Variants in CWF19L2 observed in about 807,000 individuals in gnomAD.
CWF19L2 encodes the protein CWF19-like protein 2.
Under a neutral mutation model 111.7 loss-of-function variants are expected in CWF19L2, and 98 were observed. The observed-to-expected ratio is 0.88, with a 90% confidence interval of 0.75 to 1.04. The LOEUF is 1.04. Among genes scored for constraint, CWF19L2 ranks in the 50% least tolerant of loss-of-function variants. The pLI, the probability that CWF19L2 is intolerant of heterozygous loss-of-function variation, is 0.00. For synonymous variants in CWF19L2, 351 were observed against 342.9 expected, an observed-to-expected ratio of 1.02 and a Z score of -0.26; for missense variants, 1,101 against 1,051.4, an observed-to-expected ratio of 1.05 and a Z score of -0.65.
chr11:107,362,023 G>A lies in CWF19L2; in HGVS notation c.1873-8287C>T, dbSNP rs555244873. ...ATTGCCGCACTTGGGAAGCGCAAGG[G>A]GTCAGGGAGTTCCCTTTCTGAGTCA... On this transcript the variant is annotated intron_variant, in intron 12 of 17. Transcript: ENST00000282251. Among the ~76,000 whole-genome samples the A allele has an allele frequency of 5.9e-5, 9 of 152,304 alleles. No individual in the cohort carries two copies. In the South Asian group the frequency reaches 1.7e-3, roughly 28 times the overall value.
chr11:107,411,793 A>G (rs143071599), intron 10 of CWF19L2, among the ~76,000 whole-genome samples: 1 of 152,308 alleles, frequency 6.6e-6, no homozygotes, highest in East Asian at 1.9e-4. Flanking sequence ...TCTAGAATAT[A>G]TGATAATCAA....
chr11:107,335,759 C>T (rs967288828), intron 15 of CWF19L2, among the ~76,000 whole-genome samples: 5 of 152,164 alleles, frequency 3.3e-5, no homozygotes, highest in African/African-American at 1.2e-4. Flanking sequence ...CATGTTTTTA[C>T]AGTATTGTTA....
chr11:107,403,440 G>A, intron 10 of CWF19L2: 2 of 780,578 alleles, frequency 2.6e-6, no homozygotes, highest in South Asian at 1.3e-5. Context: ...TCTGTCGGTG[G>A]CTCTTCCACT....
intron 12 of CWF19L2, among the ~76,000 whole-genome samples, chr11:107,355,925 A>G (rs750731290): frequency 4.6e-5 from 7 of 152,202 alleles, no homozygotes; most frequent in Non-Finnish European, 8.8e-5. Context: ...AGCGCAAAAT[A>G]TACGTTCTTC....
intron 15 of CWF19L2, among the ~76,000 whole-genome samples, chr11:107,336,289 G>A (rs1208650646): frequency 6.6e-6 from 1 of 152,052 alleles, no homozygotes; most frequent in African/African-American, 2.4e-5. Flanking sequence ...TGGGACTACA[G>A]GTGCCCACCA....
chr11:107,369,956 T>G (rs1860484697), intron 12 of CWF19L2, among the ~76,000 whole-genome samples: 1 of 138,222 alleles, frequency 7.2e-6, no homozygotes, highest in Non-Finnish European at 1.6e-5. Context: ...TAGCCCAGGC[T>G]GGAGTGCAGT....
chr11:107,375,534 C>A (rs956426902), intron 12 of CWF19L2, among the ~76,000 whole-genome samples: 2 of 137,226 alleles, frequency 1.5e-5, no homozygotes, highest in Non-Finnish European at 3.2e-5. Flanking sequence ...GGGTACATAA[C>A]GAAATGAAGG....
chr11:107,417,515 G>A (rs1377930341), intron 9 of CWF19L2, among the ~76,000 whole-genome samples: 1 of 152,114 alleles, frequency 6.6e-6, no homozygotes, highest in Non-Finnish European at 1.5e-5. Context: ...AGGTTCCTAA[G>A]TAATTTGGAA....
At chr11:107,360,874 G>T (rs567112693) in intron 12 of CWF19L2, among the ~76,000 whole-genome samples, 5 of 152,234 alleles carry the variant, frequency 3.3e-5, no homozygotes, top group South Asian at 4.1e-4. Flanking sequence ...TATATTCTTG[G>T]ATATTAGACC....
intron 12 of CWF19L2, among the ~76,000 whole-genome samples, chr11:107,382,783 A>G (rs1291043630): frequency 6.6e-6 from 1 of 152,224 alleles, no homozygotes; most frequent in Non-Finnish European, 1.5e-5. Context: ...GCCTCAGGAA[A>G]CAGAGTCTCT....
intron 15 of CWF19L2, 130 bp from the exon 16 acceptor site, chr11:107,335,091 T>C: frequency 1.8e-6 from 1 of 547,564 alleles, no homozygotes; most frequent in South Asian, 2.9e-5. Flanking sequence ...TCTGAACTGA[T>C]TAAGGCTTTT....
chr11:107,403,388 C>A, intron 10 of CWF19L2: 1 of 731,510 alleles, frequency 1.4e-6, no homozygotes, highest in Admixed American at 1.8e-5. Context: ...ACACATAAAA[C>A]ATGGCAACAC....
chr11:107,402,872 T>TAC (rs1861023419), intron 10 of CWF19L2, among the ~76,000 whole-genome samples: 1 of 42,276 alleles, frequency 2.4e-5, no homozygotes, highest in Non-Finnish European at 4.8e-5. Flanking sequence ...AACTGTGGTG[T>TAC]GTATATATAT....
At chr11:107,402,849 G>A (rs1394296033) in intron 10 of CWF19L2, among the ~76,000 whole-genome samples, 3 of 122,756 alleles carry the variant, frequency 2.4e-5, no homozygotes, top group East Asian at 2.3e-4. Flanking sequence ...ATCAATCAAC[G>A]AGTGGATAAA....
intron 14 of CWF19L2, among the ~76,000 whole-genome samples, chr11:107,339,103 C>T (rs1859969381): frequency 6.6e-6 from 1 of 152,092 alleles, no homozygotes; most frequent in Non-Finnish European, 1.5e-5. Flanking sequence ...TAATAGTAGC[C>T]ATTAGGCTTT....
chr11:107,452,202 T>C (rs1861787615), intron 3 of CWF19L2, among the ~76,000 whole-genome samples: 1 of 152,164 alleles, frequency 6.6e-6, no homozygotes, highest in Non-Finnish European at 1.5e-5. Context: ...CTAAAAAAGC[T>C]ACTAACACTA....
rs974014641 is a variant in CWF19L2 at position 107,365,595 on chromosome 11, G to A, written c.1873-11859C>T. 6.9e-5 allele frequency among the ~76,000 whole-genome samples: 7 copies of A among 101,018 alleles called. No individual in the cohort carries two copies. In the Admixed American group the frequency reaches 7.0e-4, roughly 10 times the overall value. The allele number at this position is 101,018 out of a possible 152,430, so 66.3% of individuals were successfully genotyped here. ...AAACCACATGATTCTCTCAATAGAT[G>A]CAGAAAAAGCCTTTGACAAAATTCA... On this transcript the variant is annotated intron_variant, in intron 12 of 17. Coordinates refer to ENST00000282251, the MANE Select transcript of CWF19L2 (RefSeq NM_152434.3).
intron 10 of CWF19L2, among the ~76,000 whole-genome samples, chr11:107,414,552 C>T (rs1348370731): frequency 1.3e-5 from 2 of 152,156 alleles, no homozygotes; most frequent in Non-Finnish European, 2.9e-5. Context: ...CTTCTCCCTA[C>T]TCCCAACCAT....
rs1160476459 is a variant in CWF19L2, at chr11:107,371,678, A to C, written c.1873-17942T>G. ...TTCAATTCTTGATTCTGTGCACTAC[A>C]AATTAATCACATGTTCCAGGAAACC... is the stretch of plus-strand genomic sequence containing the variant. On this transcript the variant is annotated intron_variant, in intron 12 of 17. Transcript: ENST00000282251. Among the ~76,000 whole-genome samples the C allele has an allele frequency of 1.2e-4, 16 of 137,624 alleles. 2 individuals are homozygous for C. The highest frequency in any genetic ancestry group is 2.0e-4 in the Non-Finnish European group (13 of 64,320). The allele number at this position is 137,624 out of a possible 152,430, so 90.3% of individuals were successfully genotyped here.
Sources: gnomAD v4.1 joint callset for allele counts (sites outside exome capture counted in the v4.1 genomes callset) on GRCh38, gnomAD v4.1.1 for gene constraint, MANE v1.5 for transcripts, NCBI Gene and HGNC (gene_info 2026-07-23, HGNC 2026-07-21) for gene names.